JMJD8: variants seen among roughly 807,000 people sequenced by gnomAD.
JMJD8 encodes jumonji domain containing 8, also known as jmjC domain-containing protein 8.
JMJD8 carries 56 observed loss-of-function variants against 37.6 expected under a neutral mutation model. The observed-to-expected ratio is 1.49, with a 90% CI of 1.20 to 1.86. JMJD8 has a LOEUF of 1.86. Among genes scored for constraint, JMJD8 ranks in the 40% most tolerant of loss-of-function variants. The probability of loss-of-function intolerance (pLI) is 0.00; values close to 1 mark genes in which losing one functional copy is unlikely to be tolerated. For missense variants in JMJD8, 542 were observed against 362.7 expected, an observed-to-expected ratio of 1.49 and a Z score of -4.01; for synonymous variants, 261 against 163.7, an observed-to-expected ratio of 1.59 and a Z score of -4.54.
rs371773381 is a variant in JMJD8, at chr16:682,399, C to T, written c.*395G>A. The T allele has an allele frequency of 2.5e-6, 4 of 1,613,360 alleles. No homozygotes were observed. The highest frequency in any genetic ancestry group is 3.4e-6 in the Non-Finnish European group (4 of 1,179,998). On this transcript the variant is annotated 3_prime_UTR_variant, in exon 9 of 9. Coordinates refer to ENST00000609261, the MANE Select transcript of JMJD8 (RefSeq NM_001005920.4). ...ATTTTGACCCCGTGACCCGGAGCCC[C>T]CTGACCCAGGAACAGCTCATCCCCA...
At position 682,807 on chromosome 16, in the gene JMJD8, G is replaced by A. The variant is rs1454009281; in HGVS notation, c.782C>T (p.Thr261Ile). 6.2e-7 allele frequency: 1 copy of A among 1,613,052 alleles called. No homozygotes were observed. The highest frequency in any genetic ancestry group is 8.5e-7 in the Non-Finnish European group (1 of 1,179,866). ...CAGCTGTTTTGGCTAGCCGAGGAAG[G>A]TGGAGATGAAGACGCTGGTGTCAAG... is the stretch of plus-strand genomic sequence containing the variant. ...LNLDTSVFIS[T>I]FLG Residue 261 changes from threonine to isoleucine, a missense_variant, in exon 9 of 9, where the codon ACC becomes ATC. Physicochemically the swap from Thr to Ile is moderately conservative, Grantham distance 89. Coordinates refer to ENST00000609261, the MANE Select transcript of JMJD8 (RefSeq NM_001005920.4).
chr16:684,282 AGC>A lies in JMJD8; in HGVS notation c.36_37del (p.Leu13GlyfsTer118), dbSNP rs902826916. On this transcript the variant is annotated frameshift_variant, in exon 1 of 9. Transcript: ENST00000609261. LOFTEE classifies it high-confidence loss of function. ...GGAGCCGGGTAGAGCCACAGCCGCC[AGC>A]GCCCAGAGCGCGAGCAACCGCGACG... 1.1e-5 allele frequency: 16 copies of A among 1,455,172 alleles called. No homozygotes were observed. The African/African-American group carries it at 2.2e-4, about 20-fold the overall frequency. 90.1% of individuals were successfully genotyped at this position (1,455,172 alleles called of 1,614,324 possible).
chr16:682,745 G>A lies in JMJD8; in HGVS notation c.*49C>T, dbSNP rs753301778. 17 of 1,594,040 alleles carry A rather than the reference G, an allele frequency of 1.1e-5. No individual in the cohort carries two copies. Among genetic ancestry groups the A allele is most frequent in the Middle Eastern group, 1.7e-4 (1 of 6,034 alleles). On this transcript the variant is annotated 3_prime_UTR_variant, in exon 9 of 9. Transcript: ENST00000609261. ...TCTGTGTAATAAAATCCGTGAGCAC[G>A]AGGTGGGACGTGCTGGTGTGTGACC...
In JMJD8 at chr16:683,564, C is replaced by T. The variant is rs775604326; in HGVS notation, c.357G>A (p.Leu119=). 1.3e-6 allele frequency: 2 copies of T among 1,573,654 alleles called. No homozygotes were observed. The highest frequency in any genetic ancestry group is 8.6e-7 in the Non-Finnish European group (1 of 1,159,548). ...GGGAGGTGGGGTCCTGGGGGTGCAGCAGCTGCTCCACATACTCCTGGAAGG... is the reference window on the plus strand; with the variant it reads ...GGGAGGTGGGGTCCTGGGGGTGCAGTAGCTGCTCCACATACTCCTGGAAGG... The part of the protein sequence containing the change: ...DLPFQEYVEQ[L]LHPQDPTSLG... The change falls in exon 5 of 9, where the codon CTG becomes CTA. Residue 119 remains leucine, a synonymous_variant. Transcript: ENST00000609261.
chr16:683,221 C>T lies in JMJD8; in HGVS notation c.525G>A (p.Gly175=). The T allele has an allele frequency of 6.2e-7, 1 of 1,613,146 alleles. No individual in the cohort carries two copies. The highest frequency in any genetic ancestry group is 8.5e-7 in the Non-Finnish European group (1 of 1,179,884). Residue 175 remains glycine, a synonymous_variant, in exon 7 of 9, where the codon GGG becomes GGA. Transcript: ENST00000609261. ...YSFGIAGAGS[G]VPFHWHGPGY... ...CGGGTCCATGCCAGTGGAAGGGCAC[C>T]CCCGAGCCAGCTCCTGTGGGGTTAT...
At position 683,599 on chromosome 16, in the gene JMJD8, C is replaced by T. The variant is rs996448934; in HGVS notation, c.323-1G>A. 6.3e-7 allele frequency: 1 copy of T among 1,577,458 alleles called. No homozygotes were observed. The highest frequency in any genetic ancestry group is 1.2e-5 in the South Asian group (1 of 86,494). Reference sequence around the variant, plus strand: ...ACATACTCCTGGAAGGGCAAGTCCACTGCAGGAAAGAGACGGGTCAGGACC... The same window carrying T: ...ACATACTCCTGGAAGGGCAAGTCCATTGCAGGAAAGAGACGGGTCAGGACC... On this transcript the variant is annotated splice_acceptor_variant, in intron 4 of 8. Transcript: ENST00000609261. LOFTEE classifies it high-confidence loss of function.
Position 682,870 on chromosome 16 carries a change from A to G in JMJD8, c.719T>C (p.Leu240Pro). ...ATGCCACCAGCGGTCGGGGAAGTACAGCACCTGGTGGAGGAAGGGGGTGCA... is the reference window on the plus strand; with the variant it reads ...ATGCCACCAGCGGTCGGGGAAGTACGGCACCTGGTGGAGGAAGGGGGTGCA... ...LECTIRAGEV[L>P]YFPDRWWHAT... Residue 240 changes from leucine to proline, a missense_variant, in exon 9 of 9, where the codon CTG (leucine) becomes CCG (proline). Transcript: ENST00000609261. 6.2e-7 allele frequency: 1 copy of G among 1,613,024 alleles called. No individual in the cohort carries two copies. The highest frequency in any genetic ancestry group is 8.5e-7 in the Non-Finnish European group (1 of 1,179,854).
In JMJD8 at chr16:683,048, G is replaced by A; in HGVS notation, c.619C>T (p.His207Tyr). 2 of 1,613,602 alleles carry A rather than the reference G, an allele frequency of 1.2e-6. No individual in the cohort carries two copies. Among genetic ancestry groups the A allele is most frequent in the Non-Finnish European group, 1.7e-6 (2 of 1,179,874 alleles). Reference protein sequence around the residue: ...LYPPEKTPEFHPNKTTLAWLR... With the variant: ...LYPPEKTPEFYPNKTTLAWLR... ...CAGGCCAGCGTGGTCTTGTTGGGGT[G>A]GAACTCTGGCGTCTTCTCAGGTGGG... is the stretch of plus-strand genomic sequence containing the variant. The change falls in exon 8 of 9, where the codon CAC becomes TAC. Residue 207 changes from histidine to tyrosine, a missense_variant. Physicochemically the swap from His to Tyr is moderately conservative, Grantham distance 83 (BLOSUM62 2). Coordinates refer to ENST00000609261, the MANE Select transcript of JMJD8 (RefSeq NM_001005920.4).
chr16:683,289 C>G (rs890596693), intron 6 of JMJD8, 33 bp downstream of exon 6: 9 of 1,611,462 alleles, frequency 5.6e-6, no homozygotes, highest in African/African-American at 2.7e-5. Context: ...CCGACAGAAG[C>G]CTCAGTCCTT....
At position 682,852 on chromosome 16, in the gene JMJD8, C is replaced by CA. The variant is rs776792662; in HGVS notation, c.736dup (p.Trp246LeufsTer9). On this transcript the variant is annotated frameshift_variant, in exon 9 of 9. Transcript: ENST00000609261. LOFTEE classifies it high-confidence loss of function. Reference sequence around the variant, plus strand: ...GTCAAGGTTGAGCGTAGCATGCCACCAGCGGTCGGGGAAGTACAGCACCTG... The same window carrying CA: ...GTCAAGGTTGAGCGTAGCATGCCACCAAGCGGTCGGGGAAGTACAGCACCTG... 1 of 1,613,082 alleles carries CA rather than the reference C, an allele frequency of 6.2e-7. No individual in the cohort carries two copies. Among genetic ancestry groups the CA allele is most frequent in the Admixed American group, 1.7e-5 (1 of 60,026 alleles).
In JMJD8 at chr16:682,803, G is replaced by T; in HGVS notation, c.786C>A (p.Phe262Leu). 6.2e-7 allele frequency: 1 copy of T among 1,613,006 alleles called. No homozygotes were observed. Among genetic ancestry groups the T allele is most frequent in the African/African-American group, 1.3e-5 (1 of 75,068 alleles). ...NLDTSVFIST[F>L]LG is the part of the protein sequence containing the mutation. ...CTGCCAGCTGTTTTGGCTAGCCGAG[G>T]AAGGTGGAGATGAAGACGCTGGTGT... The change falls in exon 9 of 9, where the codon TTC (phenylalanine) becomes TTA (leucine). Residue 262 changes from phenylalanine (F) to leucine (L), a missense_variant. Physicochemically the swap from Phe to Leu is conservative, Grantham distance 22. Transcript: ENST00000609261.
Position 682,569 on chromosome 16 carries a change from C to G in JMJD8, c.*225G>C, listed in dbSNP as rs1397544834. On this transcript the variant is annotated 3_prime_UTR_variant, in exon 9 of 9. Coordinates refer to ENST00000609261, the MANE Select transcript of JMJD8 (RefSeq NM_001005920.4). ...CGGCCCCTATACATAGTTTATGTTCCTGGCCACCCCGACCGCTTCCCCCAA... is the reference window on the plus strand; with the variant it reads ...CGGCCCCTATACATAGTTTATGTTCGTGGCCACCCCGACCGCTTCCCCCAA... 4 of 1,579,278 alleles carry G rather than the reference C, an allele frequency of 2.5e-6. No individual in the cohort carries two copies. Among genetic ancestry groups the G allele is most frequent in the African/African-American group, 1.3e-5 (1 of 74,378 alleles).
Position 682,414 on chromosome 16 carries a change from G to T in JMJD8, c.*380C>A. 1 of 1,613,398 alleles carries T rather than the reference G, an allele frequency of 6.2e-7. No homozygotes were observed. ...CCCGGAGCCCCCTGACCCAGGAACA[G>T]CTCATCCCCAACTTGGCTATGAAGG... is the stretch of plus-strand genomic sequence containing the variant. On this transcript the variant is annotated 3_prime_UTR_variant, in exon 9 of 9. Coordinates refer to ENST00000609261, the MANE Select transcript of JMJD8 (RefSeq NM_001005920.4).
rs372696575 is a variant in JMJD8, at chr16:682,847, G to A, written c.742C>T (p.His248Tyr). 14 of 1,612,962 alleles carry A rather than the reference G, an allele frequency of 8.7e-6. No individual in the cohort carries two copies. In the East Asian group the frequency reaches 1.3e-4, roughly 15 times the overall value. The change falls in exon 9 of 9, where the codon CAT becomes TAT. Residue 248 changes from histidine (H) to tyrosine (Y), a missense_variant. Transcript: ENST00000609261. Reference protein sequence around the residue: ...EVLYFPDRWWHATLNLDTSVF... With the variant: ...EVLYFPDRWWYATLNLDTSVF... ...CTGGTGTCAAGGTTGAGCGTAGCAT[G>A]CCACCAGCGGTCGGGGAAGTACAGC... is the stretch of plus-strand genomic sequence containing the variant.
In JMJD8 at chr16:684,283, G is replaced by C; in HGVS notation, c.37C>G (p.Leu13Val). Reference sequence around the variant, plus strand: ...GAGCCGGGTAGAGCCACAGCCGCCAGCGCCCAGAGCGCGAGCAACCGCGAC... The same window carrying C: ...GAGCCGGGTAGAGCCACAGCCGCCACCGCCCAGAGCGCGAGCAACCGCGAC... ...PASRLLALWALAAVALPGSGA... is the reference protein window; with the variant it reads ...PASRLLALWAVAAVALPGSGA... The change falls in exon 1 of 9, where the codon CTG (leucine) becomes GTG (valine). Residue 13 changes from leucine (L) to valine (V), a missense_variant. Transcript: ENST00000609261. 2.7e-6 allele frequency: 4 copies of C among 1,456,848 alleles called. No homozygotes were observed. The highest frequency in any genetic ancestry group is 1.5e-5 in the African/African-American group (1 of 67,552). 90.2% of individuals were successfully genotyped at this position (1,456,848 alleles called of 1,614,324 possible).
rs780137104 is a variant in JMJD8, at chr16:682,308, G to T, written c.*486C>A. Reference sequence around the variant, plus strand: ...TGAGGCCTGCGGCTGGGGGAGCAGGGCCAGTGGCATGGTCCTGGGCCCCAT... The same window carrying T: ...TGAGGCCTGCGGCTGGGGGAGCAGGTCCAGTGGCATGGTCCTGGGCCCCAT... On this transcript the variant is annotated 3_prime_UTR_variant, in exon 9 of 9. Coordinates refer to ENST00000609261, the MANE Select transcript of JMJD8 (RefSeq NM_001005920.4). 6.2e-7 allele frequency: 1 copy of T among 1,612,534 alleles called. No individual in the cohort carries two copies. The highest frequency in any genetic ancestry group is 1.7e-5 in the Admixed American group (1 of 60,024).
rs1487454048 is a variant in JMJD8, at chr16:681,826, T to C, written c.*968A>G. 2 of 1,608,234 alleles carry C rather than the reference T, an allele frequency of 1.2e-6. No individual in the cohort carries two copies. Among genetic ancestry groups the C allele is most frequent in the Admixed American group, 1.7e-5 (1 of 59,786 alleles). Reference sequence around the variant, plus strand: ...AAGAGTGCCAGCGAAACCACGAGGGTGATGAGGACGACAGCCACGTCCGGG... The same window carrying C: ...AAGAGTGCCAGCGAAACCACGAGGGCGATGAGGACGACAGCCACGTCCGGG... On this transcript the variant is annotated 3_prime_UTR_variant, in exon 9 of 9. Transcript: ENST00000609261.
rs1186407302 is a variant in JMJD8 at position 683,315 on chromosome 16, C to T, written c.511+7G>A. ...CTCAGTCCTTCCCAGTCCCAAGAAG[C>T]ACCCACCTGCGATTCCAAAGCTGTA... On this transcript the variant is annotated splice_region_variant and intron_variant, in intron 6 of 8. Coordinates refer to ENST00000609261, the MANE Select transcript of JMJD8 (RefSeq NM_001005920.4). The T allele has an allele frequency of 3.8e-6, 6 of 1,599,416 alleles. No homozygotes were observed. The highest frequency in any genetic ancestry group is 4.3e-6 in the Non-Finnish European group (5 of 1,172,914).
Position 682,984 on chromosome 16 carries a change from C to A in JMJD8, c.683G>T (p.Arg228Leu), listed in dbSNP as rs200168703. 3.3e-5 allele frequency: 53 copies of A among 1,613,346 alleles called. No individual in the cohort carries two copies. The Middle Eastern group carries it at 4.1e-3, about 126-fold the overall frequency. Residue 228 changes from arginine (R) to leucine (L), a missense_variant, in exon 8 of 9, where the codon CGG (arginine) becomes CTG (leucine). Physicochemically the swap from Arg to Leu is moderately radical, Grantham distance 102 (BLOSUM62 -2). Coordinates refer to ENST00000609261, the MANE Select transcript of JMJD8 (RefSeq NM_001005920.4). ...AGCCCGGATGGTACACTCCAGGGGC[C>A]GTGCAGACGGTGGCAGGGCTGGGTA... The part of the protein sequence containing the change: ...DTYPALPPSA[R>L]PLECTIRAGE...
Sources: gnomAD v4.1 joint callset for allele counts on GRCh38, gnomAD v4.1.1 for gene constraint, MANE v1.5 for transcripts, NCBI Gene and HGNC (gene_info 2026-07-23, HGNC 2026-07-21) for gene names.